Variants in ST7 observed in about 807,000 individuals in gnomAD.
ST7 encodes the protein suppression of tumorigenicity 7.
Under a neutral mutation model 78.7 loss-of-function variants are expected in ST7, and 28 were observed. The observed-to-expected ratio is 0.36, with a 90% CI of 0.26 to 0.49. ST7 has a LOEUF of 0.49. Ranked by LOEUF, ST7 falls within the 20% of genes least tolerant of loss-of-function variation. The probability of loss-of-function intolerance (pLI) is 0.99; values close to 1 mark genes in which losing one functional copy is unlikely to be tolerated. For synonymous variants in ST7, 247 were observed against 249.6 expected, an observed-to-expected ratio of 0.99 and a Z score of 0.10; for missense variants, 418 against 696.0, an observed-to-expected ratio of 0.60 and a Z score of 4.49.
chr7:117,160,653 G>GTGTGTATATA (rs150222080), intron 9 of ST7, among the ~76,000 whole-genome samples: 55 of 147,692 alleles, frequency 3.7e-4, no homozygotes, highest in East Asian at 1.4e-3. Flanking sequence ...GTGTGTGTGT[G>GTGTGTATATA]TATATATATA....
intron 1 of ST7, chr7:116,972,818 G>A (rs55954716): frequency 1.9e-6 from 2 of 1,026,104 alleles, no homozygotes; most frequent in Non-Finnish European, 3.0e-6. Context: ...ACTTCTCACT[G>A]GAGACGATCA....
At chr7:116,962,744 A>G (rs1792896440) in intron 1 of ST7, among the ~76,000 whole-genome samples, 1 of 152,114 alleles carries the variant, frequency 6.6e-6, no homozygotes, top group Non-Finnish European at 1.5e-5. Flanking sequence ...TTGCCTGTTC[A>G]CTCTGATGAT....
At chr7:117,052,571 T>C (rs936064783) in intron 1 of ST7, among the ~76,000 whole-genome samples, 1 of 152,224 alleles carries the variant, frequency 6.6e-6, no homozygotes, top group African/African-American at 2.4e-5. Context: ...ACAATCCCAG[T>C]GCCAAGAAGT....
intron 15 of ST7, among the ~76,000 whole-genome samples, chr7:117,225,560 C>A (rs1324438753): frequency 3.3e-5 from 5 of 152,176 alleles, no homozygotes; most frequent in Non-Finnish European, 7.3e-5. Flanking sequence ...TGCATCTTCA[C>A]CCTGGTCACT....
At chr7:117,163,306 G>A (rs542903898) in intron 9 of ST7, among the ~76,000 whole-genome samples, 1 of 152,246 alleles carries the variant, frequency 6.6e-6, no homozygotes, top group Non-Finnish European at 1.5e-5. Flanking sequence ...TAGTGGGATT[G>A]CTGGATCATA....
At chr7:117,059,350 G>T (rs1344390447) in intron 1 of ST7, among the ~76,000 whole-genome samples, 1 of 151,996 alleles carries the variant, frequency 6.6e-6, no homozygotes, top group African/African-American at 2.4e-5. Context: ...AAGATAAAAA[G>T]AAATAGTAGA....
chr7:117,086,986 C>T (rs888010545), intron 1 of ST7, among the ~76,000 whole-genome samples: 3 of 152,150 alleles, frequency 2.0e-5, no homozygotes, highest in Non-Finnish European at 2.9e-5. Context: ...TTCTTATCTC[C>T]GTGGGTTACA....
intron 1 of ST7, chr7:116,959,498 GATGA>G: frequency 6.9e-6 from 2 of 287,984 alleles, no homozygotes; most frequent in South Asian, 6.7e-5. Context: ...TCATTCACTG[GATGA>G]ATGAATATCC....
intron 1 of ST7, chr7:117,015,079 T>C (rs1309588507): frequency 2.0e-5 from 17 of 860,962 alleles, no homozygotes; most frequent in Non-Finnish European, 2.7e-5. Flanking sequence ...ATTTTGAATT[T>C]ATATTTTAAA....
In ST7 at chr7:117,162,215, G is replaced by A. The variant is rs1385035138; in HGVS notation, c.964-8647G>A. ...ACTGATTATCTTTTATGTGACAGGT[G>A]GGTTCAGTCTTAATGAACTCTGTGT... On this transcript the variant is annotated intron_variant, in intron 9 of 15. Coordinates refer to ENST00000323984, the MANE Select transcript of ST7 (RefSeq NM_001369598.1). Among the ~76,000 whole-genome samples the A allele has an allele frequency of 2.0e-5, 3 of 151,958 alleles. No individual in the cohort carries two copies. In the South Asian group the frequency reaches 6.2e-4, roughly 32 times the overall value.
At chr7:117,123,298 A>G (rs1050700026) in intron 3 of ST7, among the ~76,000 whole-genome samples, 5 of 152,198 alleles carry the variant, frequency 3.3e-5, no homozygotes, top group Admixed American at 2.6e-4. Flanking sequence ...GCTGAAAAAC[A>G]TGGCCTACCT....
chr7:117,032,036 C>A (rs919021867), intron 1 of ST7, among the ~76,000 whole-genome samples: 1 of 151,534 alleles, frequency 6.6e-6, no homozygotes, highest in African/African-American at 2.4e-5. Context: ...CAAATGCCAC[C>A]ACGTGTGGCT....
intron 1 of ST7, among the ~76,000 whole-genome samples, chr7:117,054,955 T>A (rs559459286): frequency 6.6e-6 from 1 of 152,352 alleles, no homozygotes; most frequent in East Asian, 1.9e-4. Context: ...GGAACCCCAG[T>A]CATGCATTCA....
chr7:117,028,574 GA>G (rs1796320420), intron 1 of ST7, among the ~76,000 whole-genome samples: 1 of 152,168 alleles, frequency 6.6e-6, no homozygotes, highest in Non-Finnish European at 1.5e-5. Flanking sequence ...TCAGAAGTCT[GA>G]ATTTCTCATC....
At chr7:117,157,297 A>G (rs957638343) in intron 9 of ST7, among the ~76,000 whole-genome samples, 2 of 152,182 alleles carry the variant, frequency 1.3e-5, no homozygotes, top group Non-Finnish European at 2.9e-5. Flanking sequence ...GGGTAACTCA[A>G]CAGCTGCAAA....
chr7:117,117,932 G>A (rs1803020811), intron 2 of ST7: 1 of 152,108 alleles, frequency 6.6e-6, no homozygotes, highest in African/African-American at 2.4e-5. Context: ...TAGATCCATG[G>A]TGTGTAAATT....
intron 9 of ST7, among the ~76,000 whole-genome samples, chr7:117,155,646 T>C (rs910238256): frequency 6.6e-6 from 1 of 152,220 alleles, no homozygotes; most frequent in Non-Finnish European, 1.5e-5. Flanking sequence ...ACTTGGAGTA[T>C]ACTAACAGCC....
intron 12 of ST7, among the ~76,000 whole-genome samples, chr7:117,205,374 A>G (rs747551162): frequency 6.6e-6 from 1 of 152,080 alleles, no homozygotes; most frequent in Non-Finnish European, 1.5e-5. Context: ...ATATAAATTA[A>G]TGTACCTGTT....
At chr7:117,053,762 G>A (rs1423504446) in intron 1 of ST7, among the ~76,000 whole-genome samples, 2 of 152,120 alleles carry the variant, frequency 1.3e-5, no homozygotes, top group Non-Finnish European at 2.9e-5. Context: ...TATATGGGAG[G>A]GAAGATAGAG....
Sources: gnomAD v4.1 joint callset for allele counts (sites outside exome capture counted in the v4.1 genomes callset) on GRCh38, gnomAD v4.1.1 for gene constraint, MANE v1.5 for transcripts, NCBI Gene and HGNC (gene_info 2026-07-23, HGNC 2026-07-21) for gene names.